ELAVL3: variants seen among roughly 807,000 people sequenced by gnomAD.
ELAVL3 encodes ELAV-like protein 3.
ELAVL3 carries 8 observed loss-of-function variants against 34.2 expected under a neutral mutation model. That is an observed-to-expected ratio of 0.23 (90% CI 0.14 to 0.42). The LOEUF is 0.42. Among genes scored for constraint, ELAVL3 ranks in the 10% least tolerant of loss-of-function variants. The probability of loss-of-function intolerance (pLI) is 1.00; values close to 1 mark genes in which losing one functional copy is unlikely to be tolerated. For synonymous variants in ELAVL3, 209 were observed against 222.1 expected (o/e 0.94, Z 0.53); for missense variants, 273 against 518.8 (o/e 0.53, Z 4.60).
chr19:11,465,600 C>G (rs1054327357), intron 3 of ELAVL3, among the ~76,000 whole-genome samples: 1 of 151,614 alleles, frequency 6.6e-6, no homozygotes, highest in African/African-American at 2.4e-5. Flanking sequence ...CCCCCCGACC[C>G]TGGCTTCCTC....
At chr19:11,478,039 CAACCACAGTG>C (rs1971295704) in intron 1 of ELAVL3, among the ~76,000 whole-genome samples, 1 of 152,160 alleles carries the variant, frequency 6.6e-6, no homozygotes, top group South Asian at 2.1e-4. Context: ...TGACCTCCCA[CAACCACAGTG>C]AATGGTATGA....
rs1037337169 is a variant in ELAVL3, at chr19:11,466,880, T to G, written c.10-53A>C. The stretch of plus-strand genomic sequence containing the variant: ...CCGCCCAGTCCCCACACCAGGGGCC[T>G]GCGGCAATGAGTGGCTTGGTGGTGA... On this transcript the variant is annotated intron_variant, in intron 1 of 6. Coordinates refer to ENST00000359227, the MANE Select transcript of ELAVL3 (RefSeq NM_001420.4). This position sits in a 1 kb window ranked among gnomAD's most constrained non-coding sequence, Gnocchi z 5.0. 63 of 1,481,944 alleles carry G rather than the reference T, an allele frequency of 4.3e-5. No individual in the cohort carries two copies. Among genetic ancestry groups the G allele is most frequent in the Admixed American group, 1.4e-4 (7 of 49,304 alleles). The allele number at this position is 1,481,944 out of a possible 1,614,324, so 91.8% of individuals were successfully genotyped here.
chr19:11,459,664 C>T (rs1463518104), intron 3 of ELAVL3, among the ~76,000 whole-genome samples: 3 of 152,188 alleles, frequency 2.0e-5, no homozygotes, highest in African/African-American at 4.8e-5. Context: ...TCTCCCATCT[C>T]GGCCTCCCAA....
chr19:11,465,020 T>TACACACATCAC (rs2144893878), intron 3 of ELAVL3, among the ~76,000 whole-genome samples: 1 of 49,746 alleles, frequency 2.0e-5, no homozygotes, highest in African/African-American at 7.2e-5. Flanking sequence ...TACATACACA[T>TACACACATCAC]ACACACACCA....
At chr19:11,470,388 G>A (rs532525229) in intron 1 of ELAVL3, among the ~76,000 whole-genome samples, 13 of 151,630 alleles carry the variant, frequency 8.6e-5, no homozygotes, top group East Asian at 3.9e-4. Context: ...AAATAAGGCC[G>A]GGCATGGTGG....
intron 1 of ELAVL3, among the ~76,000 whole-genome samples, chr19:11,479,312 G>A (rs1217072847): frequency 3.9e-5 from 6 of 152,232 alleles, no homozygotes; most frequent in African/African-American, 9.6e-5. Flanking sequence ...CAGGTGGGCG[G>A]GTCCCAGGGT....
intron 1 of ELAVL3, among the ~76,000 whole-genome samples, chr19:11,477,457 G>C (rs575646111): frequency 6.6e-6 from 1 of 151,970 alleles, no homozygotes; most frequent in Non-Finnish European, 1.5e-5. Context: ...CTCTTTTTCT[G>C]TAGAGATGAG....
chr19:11,474,153 C>T (rs183327979), intron 1 of ELAVL3, among the ~76,000 whole-genome samples: 72 of 152,282 alleles, frequency 4.7e-4, no homozygotes, highest in Non-Finnish European at 1.6e-4. Flanking sequence ...ACACCTCAGC[C>T]TCCTGAGAAG....
intron 3 of ELAVL3, among the ~76,000 whole-genome samples, chr19:11,460,059 C>T (rs575572691): frequency 7.8e-4 from 118 of 152,046 alleles, no homozygotes; most frequent in African/African-American, 2.5e-3. Context: ...GTCAAGGGCA[C>T]TTCATACACA....
intron 3 of ELAVL3, among the ~76,000 whole-genome samples, chr19:11,463,297 G>A (rs1369676485): frequency 7.9e-5 from 12 of 152,122 alleles, no homozygotes; most frequent in Admixed American, 7.2e-4. Flanking sequence ...CTGCCATAGC[G>A]CCCAGTCCTG....
At chr19:11,464,151 C>CTCTCTCTCTCTCTCTATA (rs1215435723) in intron 3 of ELAVL3, among the ~76,000 whole-genome samples, 4 of 86,494 alleles carry the variant, frequency 4.6e-5, no homozygotes, top group African/African-American at 2.4e-4. Flanking sequence ...CTCTCTCTCT[C>CTCTCTCTCTCTCTCTATA]TATATATATA....
intron 3 of ELAVL3, among the ~76,000 whole-genome samples, chr19:11,464,872 CA>C (rs1970993774): frequency 3.1e-5 from 4 of 129,702 alleles, no homozygotes; most frequent in Admixed American, 1.6e-4. Flanking sequence ...ACACCACACA[CA>C]CATACACACA....
chr19:11,457,901 GTA>G, intron 5 of ELAVL3, among the ~76,000 whole-genome samples, 158 bp downstream of exon 5: 1 of 152,350 alleles, frequency 6.6e-6, no homozygotes, highest in Admixed American at 6.5e-5. Flanking sequence ...AGGGCCTGCT[GTA>G]TATGAGTGGC....
chr19:11,464,583 A>C (rs536439012), intron 3 of ELAVL3, among the ~76,000 whole-genome samples: 195 of 147,074 alleles, frequency 1.3e-3, no homozygotes, highest in Non-Finnish European at 2.3e-3. Flanking sequence ...CACACACCCC[A>C]CACACACATA....
intron 1 of ELAVL3, among the ~76,000 whole-genome samples, chr19:11,469,878 C>T (rs980644938): frequency 1.3e-5 from 2 of 151,720 alleles, no homozygotes; most frequent in African/African-American, 2.4e-5. Context: ...GGCAACATGG[C>T]GAAACCCTGT....
Position 11,466,091 on chromosome 19 carries a change from G to T in ELAVL3, c.333+81C>A. The T allele has an allele frequency of 8.0e-7, 1 of 1,249,290 alleles. No homozygotes were observed. The highest frequency in any genetic ancestry group is 1.2e-6 in the Non-Finnish European group (1 of 860,414). The allele number at this position is 1,249,290 out of a possible 1,614,324, so 77.4% of individuals were successfully genotyped here. A position where few individuals can be genotyped will look rare whatever the true frequency, so the allele number is the denominator to read the frequency against. ...AAAGGCAGTGGACATGGATGCATGG[G>T]GGCGGGTAGGTGGCAGTAGGGGGTT... is the stretch of plus-strand genomic sequence containing the variant. On this transcript the variant is annotated intron_variant, in intron 3 of 6. Coordinates refer to ENST00000359227, the MANE Select transcript of ELAVL3 (RefSeq NM_001420.4). The surrounding 1 kb of genome is among the most constrained non-coding windows in gnomAD (Gnocchi z 5.0).
At chr19:11,478,404 G>A (rs1971303133) in intron 1 of ELAVL3, among the ~76,000 whole-genome samples, 1 of 152,150 alleles carries the variant, frequency 6.6e-6, no homozygotes, top group Admixed American at 6.5e-5. Context: ...TCAGATTGAT[G>A]GAAGCCACAC....
chr19:11,479,455 G>C (rs1320038316), intron 1 of ELAVL3, among the ~76,000 whole-genome samples: 1 of 152,168 alleles, frequency 6.6e-6, no homozygotes, highest in Non-Finnish European at 1.5e-5. Flanking sequence ...CGGAGAGATA[G>C]GAAGAGTGGA....
At chr19:11,470,823 G>A (rs575899349) in intron 1 of ELAVL3, among the ~76,000 whole-genome samples, 7 of 152,180 alleles carry the variant, frequency 4.6e-5, no homozygotes, top group African/African-American at 1.7e-4. Flanking sequence ...GAAGACCCTC[G>A]GAATGTGAAG....
Sources: allele counts gnomAD v4.1 joint callset (sites outside exome capture counted in the v4.1 genomes callset), GRCh38; gene constraint gnomAD v4.1.1; non-coding constraint Gnocchi (gnomAD v3.1); transcripts MANE v1.5; gene names NCBI Gene and HGNC (gene_info 2026-07-23, HGNC 2026-07-21).